Variants in GRIK1 observed in about 807,000 individuals in gnomAD.
GRIK1 encodes the protein glutamate ionotropic receptor kainate type subunit 1.
In GRIK1, 69 loss-of-function variants were observed where a neutral mutation model predicts 105.7. The ratio of observed to expected loss-of-function variants is 0.65; its 90% CI spans 0.54 to 0.80. The LOEUF is 0.80. Ranked by LOEUF, GRIK1 falls within the 30% of genes least tolerant of loss-of-function variation. The pLI is 0.00. For missense variants in GRIK1, 1,109 were observed against 1,167.3 expected (o/e 0.95, Z 0.73); for synonymous variants, 438 against 431.3 (o/e 1.02, Z -0.19).
chr21:29,816,061 G>A (rs542446313), intron 1 of GRIK1, among the ~76,000 whole-genome samples: 3 of 151,958 alleles, frequency 2.0e-5, no homozygotes, highest in Non-Finnish European at 4.4e-5. Context: ...ACAAAGGACT[G>A]TATCCAGAAT....
At chr21:29,823,327 G>A (rs569542151) in intron 1 of GRIK1, among the ~76,000 whole-genome samples, 1 of 151,986 alleles carries the variant, frequency 6.6e-6, no homozygotes, top group African/African-American at 2.4e-5. Flanking sequence ...CAGGGTAAGA[G>A]TAAAGATAGT....
chr21:29,913,762 T>C (rs1263700592), intron 1 of GRIK1, among the ~76,000 whole-genome samples: 5 of 151,708 alleles, frequency 3.3e-5, no homozygotes, highest in Admixed American at 6.6e-5. Context: ...TTAAATCTTA[T>C]GGCAGTCTGA....
At chr21:29,923,797 T>C (rs2071265734) in intron 1 of GRIK1, among the ~76,000 whole-genome samples, 1 of 152,174 alleles carries the variant, frequency 6.6e-6, no homozygotes, top group Non-Finnish European at 1.5e-5. Flanking sequence ...ATAGTCCCGT[T>C]AGATAAAATA....
intron 1 of GRIK1, among the ~76,000 whole-genome samples, chr21:29,820,237 C>T (rs1023562454): frequency 6.6e-6 from 1 of 152,020 alleles, no homozygotes; most frequent in Non-Finnish European, 1.5e-5. Flanking sequence ...TTTCTTCCTG[C>T]TCTCACTTCC....
chr21:29,881,935 T>G (rs1369221606), intron 1 of GRIK1, among the ~76,000 whole-genome samples: 1 of 152,142 alleles, frequency 6.6e-6, no homozygotes, highest in Non-Finnish European at 1.5e-5. Context: ...ATTTGTTTGC[T>G]TTTTCTATTC....
chr21:29,605,142 G>C (rs538396314), intron 7 of GRIK1, among the ~76,000 whole-genome samples: 6 of 152,104 alleles, frequency 3.9e-5, no homozygotes, highest in South Asian at 2.1e-4. Context: ...ATGGTGTTTT[G>C]CTTCACAGAT....
chr21:29,593,981 T>A (rs1348021771), intron 9 of GRIK1, among the ~76,000 whole-genome samples: 1 of 152,212 alleles, frequency 6.6e-6, no homozygotes, highest in African/African-American at 2.4e-5. Context: ...GTTTAAACTT[T>A]CCTTCTTAAA....
At chr21:29,867,289 T>A (rs2068833151) in intron 1 of GRIK1, among the ~76,000 whole-genome samples, 1 of 151,926 alleles carries the variant, frequency 6.6e-6, no homozygotes, top group African/African-American at 2.4e-5. Context: ...AAAGAAGCGA[T>A]ACGACAGATG....
chr21:29,812,401 G>A (rs1003180015), intron 1 of GRIK1, among the ~76,000 whole-genome samples: 2 of 152,096 alleles, frequency 1.3e-5, no homozygotes, highest in African/African-American at 4.8e-5. Flanking sequence ...TAAATGAATG[G>A]CAGTAATAGC....
At chr21:29,575,058 G>T (rs987201105) in intron 14 of GRIK1, among the ~76,000 whole-genome samples, 1 of 152,052 alleles carries the variant, frequency 6.6e-6, no homozygotes, top group Non-Finnish European at 1.5e-5. Flanking sequence ...CAGAAGAAAA[G>T]TAAGTCCTAC....
intron 1 of GRIK1, among the ~76,000 whole-genome samples, chr21:29,728,654 A>G (rs1244383314): frequency 6.6e-6 from 1 of 152,230 alleles, no homozygotes; most frequent in African/African-American, 2.4e-5. Context: ...TCTTCAGTCA[A>G]CAAATAACTG....
rs1330717907 is a variant in GRIK1 at position 29,743,782 on chromosome 21, C to T, written c.119-49719G>A. ...CAGTGATTCAAAGGAAAACATAAAT[C>T]AAGTGAAAATTAATATAATTACCTC... On this transcript the variant is annotated intron_variant, in intron 1 of 17. Coordinates refer to ENST00000327783, the MANE Select transcript of GRIK1 (RefSeq NM_001330994.2). 2.6e-5 allele frequency among the ~76,000 whole-genome samples: 4 copies of T among 152,092 alleles called. No individual in the cohort carries two copies. The East Asian group carries it at 7.7e-4, about 29-fold the overall frequency.
chr21:29,769,560 C>T (rs965330919), intron 1 of GRIK1, among the ~76,000 whole-genome samples: 4 of 152,084 alleles, frequency 2.6e-5, no homozygotes, highest in African/African-American at 9.7e-5. Context: ...ATAGGGTTTG[C>T]GCTCCTAAGA....
intron 4 of GRIK1, among the ~76,000 whole-genome samples, chr21:29,662,071 GTTC>G (rs1568946519): frequency 6.6e-6 from 1 of 152,226 alleles, no homozygotes; most frequent in East Asian, 1.9e-4. Flanking sequence ...CTATTTGGAA[GTTC>G]TTCTCAGTGT....
chr21:29,582,670 C>T (rs2091047986), intron 12 of GRIK1, among the ~76,000 whole-genome samples: 1 of 152,060 alleles, frequency 6.6e-6, no homozygotes, highest in South Asian at 2.1e-4. Flanking sequence ...ACTATCTTGC[C>T]AAGTGGTACT....
intron 3 of GRIK1, among the ~76,000 whole-genome samples, chr21:29,680,333 A>G (rs1568967639): frequency 6.6e-6 from 1 of 152,248 alleles, no homozygotes; most frequent in Non-Finnish European, 1.5e-5. Flanking sequence ...TGGGGAACAC[A>G]TTCAAATATC....
intron 1 of GRIK1, among the ~76,000 whole-genome samples, chr21:29,715,636 A>G (rs980279322): frequency 6.6e-6 from 1 of 150,408 alleles, no homozygotes; most frequent in African/African-American, 2.5e-5. Context: ...AGTTAGGGCC[A>G]TAGTCACATC....
intron 1 of GRIK1, among the ~76,000 whole-genome samples, chr21:29,818,186 T>C (rs1297813893): frequency 6.6e-6 from 1 of 152,092 alleles, no homozygotes; most frequent in Non-Finnish European, 1.5e-5. Context: ...TTCAACCATG[T>C]AAAACAACGC....
chr21:29,906,501 CTT>C (rs1195640872), intron 1 of GRIK1, among the ~76,000 whole-genome samples: 1 of 152,216 alleles, frequency 6.6e-6, no homozygotes, highest in Admixed American at 6.5e-5. Context: ...TAGATTGACA[CTT>C]GTTATTTCAT....
Sources: allele counts gnomAD v4.1 joint callset (sites outside exome capture counted in the v4.1 genomes callset), GRCh38; gene constraint gnomAD v4.1.1; transcripts MANE v1.5; gene names NCBI Gene and HGNC (gene_info 2026-07-23, HGNC 2026-07-21).